The following SYTL2 variants were observed in gnomAD, a reference collection of about 807,000 sequenced individuals.
SYTL2 encodes the protein synaptotagmin-like protein 2.
Under a neutral mutation model 198.7 loss-of-function variants are expected in SYTL2, and 165 were observed. The ratio of observed to expected loss-of-function variants is 0.83; its 90% CI spans 0.73 to 0.94. The LOEUF (loss-of-function observed/expected upper bound fraction) is 0.94, where lower values mean the gene tolerates loss of function less well. Ranked by LOEUF, SYTL2 falls within the 40% of genes least tolerant of loss-of-function variation. The probability of loss-of-function intolerance (pLI) is 0.00; values close to 1 mark genes in which losing one functional copy is unlikely to be tolerated. For synonymous variants in SYTL2, 966 were observed against 917.7 expected (o/e 1.05, Z -0.95); for missense variants, 2,835 against 2,582.8 (o/e 1.10, Z -2.12).
At chr11:85,798,181 A>T (rs2092832492) in intron 1 of SYTL2, among the ~76,000 whole-genome samples, 1 of 152,114 alleles carries the variant, frequency 6.6e-6, no homozygotes, top group Non-Finnish European at 1.5e-5. Context: ...TCTCAAGTTC[A>T]GTTTTTTTGT....
chr11:85,741,379 A>G (rs2090773899), intron 4 of SYTL2, among the ~76,000 whole-genome samples: 1 of 152,222 alleles, frequency 6.6e-6, no homozygotes, highest in Admixed American at 6.5e-5. Context: ...GAGTATACAT[A>G]GTTCTCCAGT....
At chr11:85,850,354 A>G in the SYTL2 span, among the ~76,000 whole-genome samples, 1 of 152,216 alleles carries the variant, frequency 6.6e-6, no homozygotes, top group Non-Finnish European at 1.5e-5. Flanking sequence ...CCCCATCAAA[A>G]AGCGGGCAAA....
chr11:85,706,631 G>A (rs2085193495), intron 15 of SYTL2, among the ~76,000 whole-genome samples: 1 of 152,180 alleles, frequency 6.6e-6, no homozygotes, highest in African/African-American at 2.4e-5. Context: ...AAAGAATTCA[G>A]GGTGACTGGA....
the SYTL2 span, among the ~76,000 whole-genome samples, chr11:85,833,032 AAAGAAAGAAAGAAAGAAAGAAAG>A: frequency 5.2e-3 from 107 of 20,614 alleles, 7 homozygotes; most frequent in African/African-American, 0.02. Flanking sequence ...AGAAAGAAAG[AAAGAAAGAAAGAAAGAAAGAAAG>A]AAAGAAAGAA....
chr11:85,853,397 C>T, the SYTL2 span: 1 of 425,260 alleles, frequency 2.4e-6, no homozygotes, highest in African/African-American at 2.1e-5. Flanking sequence ...GTGCTGTGTC[C>T]ACTCAGGGTT....
chr11:85,714,998 T>G (rs1403538200), intron 11 of SYTL2: 2 of 152,410 alleles, frequency 1.3e-5, no homozygotes, highest in African/African-American at 4.8e-5. Flanking sequence ...GTTTGTTTAG[T>G]GAGCATGAGG....
chr11:85,725,723 C>T lies in SYTL2; in HGVS notation c.3635G>A (p.Ser1212Asn), dbSNP rs151015533. The change falls in exon 8 of 20, where the codon AGT becomes AAT. Residue 1212 changes from serine (S) to asparagine (N), a missense_variant. Coordinates refer to ENST00000359152, the MANE Select transcript of SYTL2 (RefSeq NM_206927.4). Reference protein sequence around the residue: ...PKVKRNSLTASLDKLLKEATG... With the variant: ...PKVKRNSLTANLDKLLKEATG... Reference sequence around the variant, plus strand: ...TGCTTCCTTCAGGAGTTTGTCTAGACTAGCAGTCAAAGAGTTCCGTTTAAC... The same window carrying T: ...TGCTTCCTTCAGGAGTTTGTCTAGATTAGCAGTCAAAGAGTTCCGTTTAAC... 6.2e-7 allele frequency: 1 copy of T among 1,614,080 alleles called. No homozygotes were observed. Among genetic ancestry groups the T allele is most frequent in the East Asian group, 2.2e-5 (1 of 44,884 alleles).
chr11:85,820,331 A>AGGAGC, the SYTL2 span, among the ~76,000 whole-genome samples: 1 of 152,246 alleles, frequency 6.6e-6, no homozygotes, highest in Admixed American at 6.5e-5. Flanking sequence ...TTCATTTAGA[A>AGGAGC]ACATTATTCT....
chr11:85,829,039 A>G, the SYTL2 span, among the ~76,000 whole-genome samples: 1 of 135,150 alleles, frequency 7.4e-6, no homozygotes, highest in Admixed American at 7.6e-5. Context: ...CATACCCAAA[A>G]AAGAGCTCTG....
rs375426756 is a variant in SYTL2, at chr11:85,717,623, G to A, written c.5483-93C>T. ...AAGCTCAAATGTCAGTTTCACAACT[G>A]AGACAGCAGAATACATCTGACAGGT... On this transcript the variant is annotated intron_variant, in intron 10 of 19. Transcript: ENST00000359152. The A allele has an allele frequency of 3.6e-4, 368 of 1,024,524 alleles. 4 individuals carry two copies. The African/African-American group carries it at 5.4e-3, about 15-fold the overall frequency. The allele number at this position is 1,024,524 out of a possible 1,614,324, so 63.5% of individuals were successfully genotyped here.
chr11:85,751,771 T>G (rs1313584605), intron 2 of SYTL2, among the ~76,000 whole-genome samples: 1 of 152,200 alleles, frequency 6.6e-6, no homozygotes, highest in Non-Finnish European at 1.5e-5. Flanking sequence ...ATCCTTACAA[T>G]TTCACCATGC....
chr11:85,708,229 C>A, intron 14 of SYTL2: 1 of 349,470 alleles, frequency 2.9e-6, no homozygotes, highest in Non-Finnish European at 5.5e-6. Context: ...GTTTGTTCCC[C>A]TCTGAGAAAA....
the SYTL2 span, among the ~76,000 whole-genome samples, chr11:85,825,244 C>A: frequency 6.6e-6 from 1 of 151,782 alleles, no homozygotes; most frequent in South Asian, 2.1e-4. Context: ...AAAAATTAGC[C>A]GGGCGTAGTG....
chr11:85,698,122 C>T (rs761742095), intron 17 of SYTL2, 44 bp from the exon 18 acceptor site: 39 of 1,296,480 alleles, frequency 3.0e-5, no homozygotes, highest in African/African-American at 1.0e-4. Context: ...CCAGTTCTCC[C>T]TTGGCAATAC....
At chr11:85,816,584 T>C in the SYTL2 span, among the ~76,000 whole-genome samples, 8 of 152,288 alleles carry the variant, frequency 5.3e-5, no homozygotes, top group East Asian at 1.5e-3. Flanking sequence ...ACAATGTGAC[T>C]GTACTTCATA....
rs1003135044 is a variant in SYTL2, at chr11:85,707,363, A to G, written c.6018+66T>C. ...ACTGACTTTATCCTGTAGAGCTACT[A>G]CCCAAAGAAGACATGGTAAACAGGT... On this transcript the variant is annotated intron_variant, in intron 15 of 19. Coordinates refer to ENST00000359152, the MANE Select transcript of SYTL2 (RefSeq NM_206927.4). 8 of 1,057,762 alleles carry G rather than the reference A, an allele frequency of 7.6e-6. No homozygotes were observed. The African/African-American group carries it at 9.4e-5, about 12-fold the overall frequency. The allele number at this position is 1,057,762 out of a possible 1,614,324, so 65.5% of individuals were successfully genotyped here.
chr11:85,737,459 T>C, intron 5 of SYTL2, 116 bp downstream of exon 5: 1 of 760,726 alleles, frequency 1.3e-6, no homozygotes, highest in Non-Finnish European at 2.2e-6. Flanking sequence ...ATTACCTGTA[T>C]TTGGTACCAA....
the SYTL2 span, among the ~76,000 whole-genome samples, chr11:85,831,626 T>C: frequency 6.6e-6 from 1 of 152,230 alleles, no homozygotes; most frequent in Non-Finnish European, 1.5e-5. Flanking sequence ...AGAAAAATTC[T>C]GGAGGTGATG....
intron 2 of SYTL2, among the ~76,000 whole-genome samples, chr11:85,752,339 A>G (rs1229866352): frequency 6.6e-6 from 1 of 152,084 alleles, no homozygotes; most frequent in Admixed American, 6.5e-5. Flanking sequence ...AAATGACCTC[A>G]CTTTCTAGAT....
Sources: gnomAD v4.1 joint callset for allele counts (sites outside exome capture counted in the v4.1 genomes callset) on GRCh38, gnomAD v4.1.1 for gene constraint, MANE v1.5 for transcripts, NCBI Gene and HGNC (gene_info 2026-07-23, HGNC 2026-07-21) for gene names.